Variants in BLTP1 observed in about 807,000 individuals in gnomAD.
BLTP1 encodes the protein bridge-like lipid transfer protein family member 1, also known as fragile site-associated protein.
chr4:122,357,554 C>G, the BLTP1 span, among the ~76,000 whole-genome samples: 4 of 141,082 alleles, frequency 2.8e-5, no homozygotes, highest in Non-Finnish European at 6.1e-5. Context: ...GCCTGGGTGA[C>G]AGAGATCCTG....
the BLTP1 span, among the ~76,000 whole-genome samples, chr4:122,268,588 G>A: frequency 8.5e-5 from 13 of 152,282 alleles, no homozygotes; most frequent in East Asian, 1.7e-3. Flanking sequence ...AACAGTGGAA[G>A]TATCAACATT....
chr4:122,339,084 C>A, the BLTP1 span: 1 of 1,159,378 alleles, frequency 8.6e-7, no homozygotes, highest in Non-Finnish European at 1.2e-6. Flanking sequence ...AGGTGATATA[C>A]TTTATTTCTT....
At chr4:122,237,913 G>A in the BLTP1 span, 1 of 252,678 alleles carries the variant, frequency 4.0e-6, no homozygotes, top group Non-Finnish European at 6.1e-6. Context: ...AACCCGGGAG[G>A]CAGAGGTTGC....
At chr4:122,287,529 A>C in the BLTP1 span, 1 of 981,612 alleles carries the variant, frequency 1.0e-6, no homozygotes, top group Non-Finnish European at 1.2e-6. Flanking sequence ...CTTCAGACAC[A>C]CTGTGCTGTG....
At chr4:122,289,741 T>A in the BLTP1 span, 1 of 961,224 alleles carries the variant, frequency 1.0e-6, no homozygotes, top group African/African-American at 1.8e-5. Context: ...AATGTTATCA[T>A]GTTAAAAGAA....
chr4:122,229,996 T>A, the BLTP1 span: 1 of 1,614,144 alleles, frequency 6.2e-7, no homozygotes, highest in Non-Finnish European at 8.5e-7. Flanking sequence ...GAATCAGTGC[T>A]GCAATTCAGG....
At chr4:122,215,785 G>A in the BLTP1 span, among the ~76,000 whole-genome samples, 3 of 151,890 alleles carry the variant, frequency 2.0e-5, no homozygotes, top group South Asian at 2.1e-4. Context: ...TGCTGCACCC[G>A]TCACCTGAGC....
At chr4:122,175,687 A>C in the BLTP1 span, 2 of 155,436 alleles carry the variant, frequency 1.3e-5, no homozygotes, top group African/African-American at 4.8e-5. Flanking sequence ...ATACTTCATA[A>C]GTCTTTGTTC....
At chr4:122,328,634 A>G in the BLTP1 span, 3 of 981,682 alleles carry the variant, frequency 3.1e-6, no homozygotes, top group Admixed American at 1.2e-4. Context: ...AGATGTGGTT[A>G]CGAGTAAATT....
chr4:122,305,123 A>T, the BLTP1 span: 1 of 1,292,652 alleles, frequency 7.7e-7, no homozygotes, highest in South Asian at 2.2e-5. Flanking sequence ...AAATTCAGTG[A>T]AAACTCATTT....
At chr4:122,329,395 T>G in the BLTP1 span, among the ~76,000 whole-genome samples, 1 of 151,746 alleles carries the variant, frequency 6.6e-6, no homozygotes, top group Non-Finnish European at 1.5e-5. Flanking sequence ...TTCCTGGACA[T>G]TTTTAGAATC....
At chr4:122,305,424 G>A in the BLTP1 span, 4 of 956,518 alleles carry the variant, frequency 4.2e-6, no homozygotes, top group Non-Finnish European at 5.0e-6. Context: ...ACAGCTTATT[G>A]GAGATTTTTT....
chr4:122,177,430 A>G, the BLTP1 span, among the ~76,000 whole-genome samples: 3 of 152,144 alleles, frequency 2.0e-5, no homozygotes, highest in African/African-American at 7.2e-5. Flanking sequence ...CACTGGCCAG[A>G]TCTTTTAAAA....
the BLTP1 span, chr4:122,279,754 G>A: frequency 1.2e-6 from 2 of 1,604,090 alleles, no homozygotes; most frequent in Non-Finnish European, 1.7e-6. Flanking sequence ...TATTTTAATA[G>A]TCTTCTTTCT....
the BLTP1 span, chr4:122,282,152 C>T: frequency 4.6e-6 from 4 of 862,258 alleles, no homozygotes; most frequent in African/African-American, 1.8e-5. Flanking sequence ...TTCTTCAAAA[C>T]AGCTAATTCT....
At chr4:122,157,053 A>G in the BLTP1 span, among the ~76,000 whole-genome samples, 3 of 151,442 alleles carry the variant, frequency 2.0e-5, no homozygotes, top group Non-Finnish European at 4.4e-5. Context: ...CTGATCTTTT[A>G]GTAGGGAGGA....
chr4:122,219,378 T>A, the BLTP1 span: 2 of 1,614,100 alleles, frequency 1.2e-6, no homozygotes, highest in Non-Finnish European at 1.7e-6. Context: ...ATATGGATTT[T>A]GAAGAGGTTA....
chr4:122,342,031 CA>C, the BLTP1 span, among the ~76,000 whole-genome samples: 1 of 152,124 alleles, frequency 6.6e-6, no homozygotes, highest in Non-Finnish European at 1.5e-5. Flanking sequence ...AGGAAAGAGC[CA>C]ACTCATGTGG....
At chr4:122,221,317 TATATG>T in the BLTP1 span, among the ~76,000 whole-genome samples, 86 of 152,312 alleles carry the variant, frequency 5.6e-4, 1 homozygote, top group Admixed American at 4.6e-3. Context: ...ATATTTGACA[TATATG>T]AGATCATATT....
Sources: allele counts gnomAD v4.1 joint callset (sites outside exome capture counted in the v4.1 genomes callset), GRCh38; gene constraint gnomAD v4.1.1; transcripts MANE v1.5; gene names NCBI Gene and HGNC (gene_info 2026-07-23, HGNC 2026-07-21).